The following FRMD4B variants were observed in gnomAD, a reference collection of about 807,000 sequenced individuals.
FRMD4B encodes FERM domain-containing protein 4B.
A neutral mutation model predicts 141.5 loss-of-function variants in FRMD4B; 74 were observed. That is an observed-to-expected ratio of 0.52 (90% CI 0.43 to 0.63). The LOEUF is 0.63. Ranked by LOEUF, FRMD4B falls within the 30% of genes least tolerant of loss-of-function variation. FRMD4B has a pLI of 0.00. For missense variants in FRMD4B, 1,366 were observed against 1,253.4 expected, an observed-to-expected ratio of 1.09 and a Z score of -1.36; for synonymous variants, 506 against 467.9, an observed-to-expected ratio of 1.08 and a Z score of -1.05.
chr3:69,303,328 TAA>T (rs75778830), intron 3 of FRMD4B, among the ~76,000 whole-genome samples: 12 of 133,904 alleles, frequency 9.0e-5, no homozygotes, highest in Admixed American at 7.6e-5. Flanking sequence ...GACCCCATCT[TAA>T]AAAAAAAAAA....
At chr3:69,341,244 C>T (rs550270225) in intron 1 of FRMD4B, among the ~76,000 whole-genome samples, 1 of 152,270 alleles carries the variant, frequency 6.6e-6, no homozygotes, top group South Asian at 2.1e-4. Context: ...CACGAACAAC[C>T]TCCTATTCTT....
intron 1 of FRMD4B, among the ~76,000 whole-genome samples, chr3:69,448,193 C>G (rs1018116727): frequency 6.6e-6 from 1 of 152,042 alleles, no homozygotes; most frequent in African/African-American, 2.4e-5. Context: ...CCACACCTGG[C>G]TAATTTTTGT....
At chr3:69,408,666 G>T (rs1284899510) in intron 2 of FRMD4B, among the ~76,000 whole-genome samples, 1 of 152,048 alleles carries the variant, frequency 6.6e-6, no homozygotes, top group Non-Finnish European at 1.5e-5. Context: ...GGTAGGGGGA[G>T]TGGGGGGTGG....
intron 19 of FRMD4B, 85 bp from the exon 20 acceptor site, chr3:69,182,802 C>T (rs2092722577): frequency 2.3e-6 from 3 of 1,309,242 alleles, no homozygotes; most frequent in African/African-American, 3.0e-5. Context: ...ACAAAACTTA[C>T]TAGAAGCCCA....
chr3:69,207,660 T>G (rs957470732), intron 11 of FRMD4B, among the ~76,000 whole-genome samples: 1 of 151,936 alleles, frequency 6.6e-6, no homozygotes, highest in African/African-American at 2.4e-5. Flanking sequence ...ATACAAAAAT[T>G]AGCTGGGCGT....
intron 2 of FRMD4B, 71 bp from the exon 3 acceptor site, chr3:69,311,428 C>T (rs895498994): frequency 7.2e-6 from 5 of 694,654 alleles, no homozygotes; most frequent in African/African-American, 7.2e-5. Flanking sequence ...TTCCTCTGCC[C>T]TAAATAATTT....
At position 69,356,098 on chromosome 3, in the gene FRMD4B, TA is replaced by T. The variant is rs142715020; in HGVS notation, c.162+29729del. The stretch of plus-strand genomic sequence containing the variant: ...GGGACACCATCCAAATAACTGGGGG[TA>T]GGGGGGAACCCCATATCCCCATATA... On this transcript the variant is annotated intron_variant, in intron 1 of 22. Coordinates refer to ENST00000398540, the MANE Select transcript of FRMD4B (RefSeq NM_015123.3). Among the ~76,000 whole-genome samples, 142 of 151,892 alleles carry T rather than the reference TA, an allele frequency of 9.3e-4. 2 individuals are homozygous for T. In the East Asian group the frequency reaches 0.025, roughly 27 times the overall value.
chr3:69,335,651 T>TTGGGGGTA (rs1702522243), intron 1 of FRMD4B, among the ~76,000 whole-genome samples: 1 of 151,606 alleles, frequency 6.6e-6, no homozygotes, highest in Non-Finnish European at 1.5e-5. Context: ...CTCTAGACAA[T>TTGGGGGTA]TTTTCCCCCA....
chr3:69,240,853 C>T lies in FRMD4B; in HGVS notation c.581+8373G>A, dbSNP rs534626193. Among the ~76,000 whole-genome samples the T allele has an allele frequency of 2.6e-5, 4 of 152,296 alleles. No individual in the cohort carries two copies. The South Asian group carries it at 8.3e-4, about 32-fold the overall frequency. ...ATGTAGAATTCTCCCTCAACAATGTCGTCTCACAGCTCCTGTAGACTCTGG... is the reference window on the plus strand; with the variant it reads ...ATGTAGAATTCTCCCTCAACAATGTTGTCTCACAGCTCCTGTAGACTCTGG... On this transcript the variant is annotated intron_variant, in intron 7 of 22. Coordinates refer to ENST00000398540, the MANE Select transcript of FRMD4B (RefSeq NM_015123.3).
intron 10 of FRMD4B, 78 bp from the exon 11 acceptor site, chr3:69,216,427 C>CACT: frequency 4.9e-6 from 3 of 607,962 alleles, no homozygotes; most frequent in African/African-American, 1.9e-5. Flanking sequence ...CCAATTTCAC[C>CACT]TCTTTTTTTT....
rs1450386756 is a variant in FRMD4B at position 69,187,846 on chromosome 3, T to C, written c.1843A>G (p.Lys615Glu). Residue 615 changes from lysine (K) to glutamate (E), a missense_variant, in exon 19 of 23, where the codon AAG (lysine) becomes GAG (glutamate). Transcript: ENST00000398540. ...VPHSPRILPP[K>E]SLGIERIHFR... ...TGGATTCGCTCAATACCAAGAGACT[T>C]GGGGGGAAGAATTCTTGGAGAATGA... 6.2e-7 allele frequency: 1 copy of C among 1,611,082 alleles called. No homozygotes were observed. The highest frequency in any genetic ancestry group is 8.5e-7 in the Non-Finnish European group (1 of 1,178,066).
rs147367697 is a variant in FRMD4B at position 69,490,488 on chromosome 3, G to T, written c.-129+51718C>A. The stretch of plus-strand genomic sequence containing the variant: ...TGTTCCTATTGCAGGCGTTTGCAAT[G>T]GTGCTTCCTTCTACTTGAAACCTCT... On this transcript the variant is annotated intron_variant, in intron 1 of 5. Transcript: ENST00000459638. 6.6e-4 allele frequency among the ~76,000 whole-genome samples: 101 copies of T among 152,118 alleles called. No individual in the cohort carries two copies. In the East Asian group the frequency reaches 0.019, roughly 29 times the overall value.
intron 5 of FRMD4B, 191 bp from the exon 6 acceptor site, chr3:69,250,290 C>CGCGTGT: frequency 7.2e-6 from 3 of 417,770 alleles, no homozygotes; most frequent in East Asian, 4.2e-5. Flanking sequence ...ACTGTGTGTG[C>CGCGTGT]GTGTGTGTGT....
In FRMD4B at chr3:69,245,838, T is replaced by G. The variant is rs572339860; in HGVS notation, c.581+3388A>C. On this transcript the variant is annotated intron_variant, in intron 7 of 22. Coordinates refer to ENST00000398540, the MANE Select transcript of FRMD4B (RefSeq NM_015123.3). ...GCGAACGTGCCAGGCTAATTTGTTT[T>G]TTTTTTTTTTTTTTTTTTGAGACAG... Among the ~76,000 whole-genome samples, 134 of 136,256 alleles carry G rather than the reference T, an allele frequency of 9.8e-4. 1 individual carries two copies. The highest frequency in any genetic ancestry group is 3.9e-3 in the South Asian group (17 of 4,374). 89.4% of individuals were successfully genotyped at this position (136,256 alleles called of 152,430 possible).
At chr3:69,428,739 G>C (rs7647578) in intron 2 of FRMD4B, among the ~76,000 whole-genome samples, 57,220 of 151,810 alleles carry the variant, frequency 0.38, 11,658 homozygotes, top group African/African-American at 0.53. Context: ...GTACAGTTCA[G>C]TGGTATTAAG....
intron 1 of FRMD4B, among the ~76,000 whole-genome samples, chr3:69,325,085 A>AAAAGAAAGAAAGAAAGAAAG (rs1553724230): frequency 5.8e-4 from 46 of 79,978 alleles, no homozygotes; most frequent in African/African-American, 7.0e-4. Context: ...TAAAAAAAAA[A>AAAAGAAAGAAAGAAAGAAAG]AAAGAAAGAA....
At chr3:69,539,916 C>T (rs1701142073) in intron 1 of FRMD4B, among the ~76,000 whole-genome samples, 1 of 152,066 alleles carries the variant, frequency 6.6e-6, no homozygotes, top group African/African-American at 2.4e-5. Flanking sequence ...TTGGCCGGGC[C>T]CTGTGGCTCA....
intron 1 of FRMD4B, among the ~76,000 whole-genome samples, chr3:69,349,347 T>C (rs1333976404): frequency 1.3e-5 from 2 of 152,168 alleles, no homozygotes; most frequent in Admixed American, 6.5e-5. Flanking sequence ...TGGAAGAACA[T>C]TCCATGCTCA....
intron 9 of FRMD4B, among the ~76,000 whole-genome samples, chr3:69,219,583 T>C (rs980224877): frequency 1.3e-5 from 2 of 151,950 alleles, no homozygotes; most frequent in Non-Finnish European, 2.9e-5. Context: ...GGAGAAAGAA[T>C]AAGACTCTGC....
Sources: gnomAD v4.1 joint callset for allele counts (sites outside exome capture counted in the v4.1 genomes callset) on GRCh38, gnomAD v4.1.1 for gene constraint, MANE v1.5 for transcripts, NCBI Gene and HGNC (gene_info 2026-07-23, HGNC 2026-07-21) for gene names.